The following NAMPT variants were observed in gnomAD, a reference collection of about 807,000 sequenced individuals.
NAMPT encodes the protein NAmPRTase.
Under a neutral mutation model 58.7 loss-of-function variants are expected in NAMPT, and 7 were observed. The observed-to-expected ratio is 0.12, with a 90% confidence interval of 0.07 to 0.22. The LOEUF is 0.22. Among genes scored for constraint, NAMPT ranks in the 10% least tolerant of loss-of-function variants. The probability of loss-of-function intolerance (pLI) is 1.00; values close to 1 mark genes in which losing one functional copy is unlikely to be tolerated. For synonymous variants in NAMPT, 145 were observed against 198.1 expected (o/e 0.73, Z 2.25); for missense variants, 271 against 567.9 (o/e 0.48, Z 5.31).
intron 1 of NAMPT, among the ~76,000 whole-genome samples, chr7:106,283,470 TTTAG>T (rs1237681869): frequency 2.6e-5 from 4 of 152,196 alleles, no homozygotes; most frequent in Non-Finnish European, 4.4e-5. Flanking sequence ...TTATTTTAGA[TTTAG>T]TTAAGAAAAA....
intron 1 of NAMPT, among the ~76,000 whole-genome samples, chr7:106,283,588 G>C (rs1792806302): frequency 6.6e-6 from 1 of 152,134 alleles, no homozygotes; most frequent in Non-Finnish European, 1.5e-5. Context: ...TTAGGACCAA[G>C]TAAAGGACCA....
intron 1 of NAMPT, 146 bp from the exon 2 acceptor site, chr7:106,277,325 A>C (rs1405906893): frequency 1.5e-6 from 1 of 662,528 alleles, no homozygotes; most frequent in East Asian, 2.8e-5. Flanking sequence ...TATACCAAAT[A>C]AAAAATAAGT....
chr7:106,281,433 TA>T (rs1345431709), intron 1 of NAMPT, among the ~76,000 whole-genome samples: 1 of 152,132 alleles, frequency 6.6e-6, no homozygotes, highest in Non-Finnish European at 1.5e-5. Context: ...TTTTAACTGC[TA>T]AAAAATCACA....
intron 8 of NAMPT, 54 bp from the exon 9 acceptor site, chr7:106,254,558 G>T: frequency 6.4e-7 from 1 of 1,564,990 alleles, no homozygotes; most frequent in Non-Finnish European, 8.8e-7. Flanking sequence ...GGAAGAGAAT[G>T]GAGATTATTT....
intron 10 of NAMPT, 80 bp from the exon 11 acceptor site, chr7:106,251,273 C>T: frequency 1.1e-6 from 1 of 891,442 alleles, no homozygotes; most frequent in Non-Finnish European, 1.9e-6. Context: ...TTAGACTAAC[C>T]AACCAGTCAA....
intron 8 of NAMPT, 106 bp downstream of exon 8, chr7:106,261,482 C>T (rs1792300065): frequency 1.1e-6 from 1 of 937,454 alleles, no homozygotes; most frequent in Non-Finnish European, 1.6e-6. Context: ...CCAACATAAA[C>T]ACTTACAAAG....
upstream of NAMPT, chr7:106,285,422 C>T: frequency 1.7e-6 from 1 of 584,686 alleles, no homozygotes; most frequent in African/African-American, 2.0e-5. Flanking sequence ...CCGCCTGGGA[C>T]CTTCCGTCCT....
At position 106,253,191 on chromosome 7, in the gene NAMPT, A is replaced by G. The variant is rs927738406; in HGVS notation, c.1231-40T>C. On this transcript the variant is annotated intron_variant, in intron 9 of 10. Transcript: ENST00000222553. ...AAGAAAGTTAGACAAGTAGAAGACT[A>G]ATCATCAGAAATGTCTAAACACTCC... 14 of 1,596,468 alleles carry G rather than the reference A, an allele frequency of 8.8e-6. No individual in the cohort carries two copies. In the Admixed American group the frequency reaches 1.1e-4, roughly 12 times the overall value.
chr7:106,267,876 A>AAAAAAAAAAACAAAAAAAAAC (rs1189395299), intron 6 of NAMPT, among the ~76,000 whole-genome samples: 14 of 130,392 alleles, frequency 1.1e-4, no homozygotes, highest in Non-Finnish European at 1.8e-4. Flanking sequence ...AAAAAAAAAA[A>AAAAAAAAAAACAAAAAAAAAC]CAACCTGATT....
intron 8 of NAMPT, among the ~76,000 whole-genome samples, chr7:106,257,997 T>C (rs1421168641): frequency 6.6e-6 from 1 of 152,242 alleles, no homozygotes; most frequent in Admixed American, 6.5e-5. Flanking sequence ...TCAGTTCAGC[T>C]GAGCTAAGGG....
Position 106,249,973 on chromosome 7 carries a change from C to T in NAMPT, c.*1110G>A, listed in dbSNP as rs1210235962. On this transcript the variant is annotated 3_prime_UTR_variant, in exon 11 of 11. Transcript: ENST00000222553. ...ATGCTTTTCATTGGAGATAATTTAT[C>T]TTCATTTAAGAATGTGCTTCAGTAT... 6.6e-6 allele frequency: 1 copy of T among 151,984 alleles called. No individual in the cohort carries two copies. The highest frequency in any genetic ancestry group is 1.5e-5 in the Non-Finnish European group (1 of 67,930). 9.4% of individuals were successfully genotyped at this position (151,984 alleles called of 1,614,324 possible).
intron 1 of NAMPT, among the ~76,000 whole-genome samples, chr7:106,277,535 AAGAC>A (rs1360751180): frequency 6.6e-6 from 1 of 152,228 alleles, no homozygotes; most frequent in Non-Finnish European, 1.5e-5. Flanking sequence ...AATGAACTGA[AAGAC>A]AGCAGAATTT....
In NAMPT at chr7:106,261,423, T is replaced by C. The variant is rs1475250278; in HGVS notation, c.1089+165A>G. 9.0e-6 allele frequency: 5 copies of C among 558,232 alleles called. No homozygotes were observed. In the Admixed American group the frequency reaches 1.4e-4, roughly 16 times the overall value. 34.6% of individuals were successfully genotyped at this position (558,232 alleles called of 1,614,324 possible). A position where few individuals can be genotyped will look rare whatever the true frequency, so the allele number is the denominator to read the frequency against. On this transcript the variant is annotated intron_variant, in intron 8 of 10. Transcript: ENST00000222553. ...TATGGCTTGGCTGGCACCTCTGTAT[T>C]TTAAACTACTATTATTTCTAAACTT...
intron 1 of NAMPT, among the ~76,000 whole-genome samples, chr7:106,283,928 ATTTAC>A (rs945385295): frequency 2.6e-5 from 4 of 152,194 alleles, no homozygotes; most frequent in African/African-American, 4.8e-5. Context: ...CTCAAGTAAA[ATTTAC>A]TTTACCTCTT....
chr7:106,257,306 T>G (rs1425389433), intron 8 of NAMPT, among the ~76,000 whole-genome samples: 1 of 151,954 alleles, frequency 6.6e-6, no homozygotes, highest in Non-Finnish European at 1.5e-5. Context: ...AGTTTTGGGC[T>G]GATTCTCAAC....
chr7:106,255,939 A>G (rs1792190874), intron 8 of NAMPT, among the ~76,000 whole-genome samples: 1 of 152,240 alleles, frequency 6.6e-6, no homozygotes, highest in South Asian at 2.1e-4. Flanking sequence ...GGCAAAAACA[A>G]AATGAGGAAA....
intron 8 of NAMPT, among the ~76,000 whole-genome samples, chr7:106,259,940 A>C (rs1326280790): frequency 6.8e-6 from 1 of 147,714 alleles, no homozygotes. Flanking sequence ...TACTCAGTAC[A>C]CTATGATGTA....
At position 106,284,916 on chromosome 7, in the gene NAMPT, G is replaced by C; in HGVS notation, c.-32C>G. 6.4e-7 allele frequency: 1 copy of C among 1,570,784 alleles called. No individual in the cohort carries two copies. Among genetic ancestry groups the C allele is most frequent in the Non-Finnish European group, 8.6e-7 (1 of 1,157,036 alleles). On this transcript the variant is annotated 5_prime_UTR_variant, in exon 1 of 11. Coordinates refer to ENST00000222553, the MANE Select transcript of NAMPT (RefSeq NM_005746.3). ...CCGGAGGACAGGGGCCGCGCGCCGC[G>C]AGCTCCCTGGCGCGGCTGCGAGGAA...
intron 3 of NAMPT, among the ~76,000 whole-genome samples, chr7:106,273,051 T>C (rs760277931): frequency 6.6e-6 from 1 of 152,198 alleles, no homozygotes; most frequent in Non-Finnish European, 1.5e-5. Flanking sequence ...CTAAATTCGT[T>C]ATTTTCACAA....
Sources: allele counts gnomAD v4.1 joint callset (sites outside exome capture counted in the v4.1 genomes callset), GRCh38; gene constraint gnomAD v4.1.1; transcripts MANE v1.5; gene names NCBI Gene and HGNC (gene_info 2026-07-23, HGNC 2026-07-21).